The following KIF21A variants were observed in gnomAD, a reference collection of about 807,000 sequenced individuals.
KIF21A encodes the protein kinesin family member 21A.
KIF21A carries 114 observed loss-of-function variants against 202.9 expected under a neutral mutation model. The observed-to-expected ratio is 0.56, with a 90% CI of 0.48 to 0.66. The LOEUF (loss-of-function observed/expected upper bound fraction) is 0.66, where lower values mean the gene tolerates loss of function less well. Among genes scored for constraint, KIF21A ranks in the 30% least tolerant of loss-of-function variants. The pLI, the probability that KIF21A is intolerant of heterozygous loss-of-function variation, is 0.00. For missense variants in KIF21A, 1,677 were observed against 1,994.9 expected, an observed-to-expected ratio of 0.84 and a Z score of 3.04; for synonymous variants, 667 against 670.8, an observed-to-expected ratio of 0.99 and a Z score of 0.09.
At chr12:39,441,660 T>A (rs374798425) in intron 1 of KIF21A, among the ~76,000 whole-genome samples, 40 of 37,786 alleles carry the variant, frequency 1.1e-3, no homozygotes, top group Admixed American at 1.9e-3. Context: ...CCCTGGGTGG[T>A]AAAAAAAAAA....
intron 1 of KIF21A, among the ~76,000 whole-genome samples, chr12:39,435,449 A>C (rs1228327795): frequency 1.3e-5 from 2 of 152,220 alleles, no homozygotes; most frequent in African/African-American, 4.8e-5. Context: ...ACATCAGTCT[A>C]GAAAAGCTTT....
At chr12:39,315,786 T>A in intron 30 of KIF21A, 146 bp downstream of exon 30, 1 of 751,232 alleles carries the variant, frequency 1.3e-6, no homozygotes, top group East Asian at 2.5e-5. Flanking sequence ...GTATTAAAAT[T>A]ATCATGTTTA....
At chr12:39,347,058 A>G (rs1947957507) in intron 11 of KIF21A, among the ~76,000 whole-genome samples, 1 of 151,908 alleles carries the variant, frequency 6.6e-6, no homozygotes, top group Admixed American at 6.6e-5. Flanking sequence ...ATCTAAAAAA[A>G]ATCTGATTTC....
At chr12:39,437,876 CAG>C (rs1338277250) in intron 1 of KIF21A, among the ~76,000 whole-genome samples, 1 of 152,148 alleles carries the variant, frequency 6.6e-6, no homozygotes, top group Middle Eastern at 3.2e-3. Flanking sequence ...AAATGTTTCT[CAG>C]AGGTCTTACT....
chr12:39,378,301 G>C (rs1472331455), intron 1 of KIF21A, among the ~76,000 whole-genome samples: 2 of 152,158 alleles, frequency 1.3e-5, no homozygotes, highest in African/African-American at 4.8e-5. Context: ...CATTCACAAG[G>C]GGGTAACATT....
chr12:39,315,891 A>G, intron 30 of KIF21A, 41 bp downstream of exon 30: 1 of 1,500,064 alleles, frequency 6.7e-7, no homozygotes, highest in African/African-American at 1.4e-5. Context: ...TTAGAACATC[A>G]ATGAAATTCC....
intron 30 of KIF21A, 91 bp from the exon 31 acceptor site, chr12:39,315,331 C>A: frequency 1.8e-6 from 2 of 1,141,490 alleles, no homozygotes; most frequent in South Asian, 1.3e-5. Context: ...GGGAATGAGA[C>A]AGAGAGAAAG....
intron 1 of KIF21A, among the ~76,000 whole-genome samples, chr12:39,441,778 T>C (rs536059621): frequency 9.4e-4 from 142 of 151,728 alleles, no homozygotes; most frequent in African/African-American, 3.3e-3. Context: ...ACTAAAATAG[T>C]AACTATAGAA....
At chr12:39,357,857 C>T (rs531223068) in intron 8 of KIF21A, among the ~76,000 whole-genome samples, 1 of 123,872 alleles carries the variant, frequency 8.1e-6, no homozygotes, top group Non-Finnish European at 1.6e-5. Context: ...TGCAGTGAGC[C>T]GAGATCACGC....
intron 1 of KIF21A, among the ~76,000 whole-genome samples, chr12:39,384,241 T>C (rs758578896): frequency 6.6e-6 from 1 of 152,242 alleles, no homozygotes; most frequent in Non-Finnish European, 1.5e-5. Flanking sequence ...TAAATCTTAA[T>C]AATGATTATT....
intron 37 of KIF21A, among the ~76,000 whole-genome samples, chr12:39,295,692 GTTTTTTTTTTTTTTT>G (rs1054983568): frequency 1.0e-4 from 8 of 78,086 alleles, no homozygotes; most frequent in Admixed American, 5.1e-4. Context: ...CTTGGGATAT[GTTTTTTTTTTTTTTT>G]TTTTTTTTTT....
In KIF21A at chr12:39,332,887, G is replaced by T; in HGVS notation, c.2702+6C>A. The T allele has an allele frequency of 5.0e-6, 8 of 1,612,794 alleles. No homozygotes were observed. Among genetic ancestry groups the T allele is most frequent in the Non-Finnish European group, 5.9e-6 (7 of 1,179,360 alleles). On this transcript the variant is annotated splice_donor_region_variant and intron_variant, in intron 19 of 37. Transcript: ENST00000361418. ...ATTACATCAGCAGGAACAGAATTAT[G>T]TAGACCTGTTTCCATTTGTTGCCGG...
In KIF21A at chr12:39,307,697, C is replaced by A. The variant is rs200589960; in HGVS notation, c.4310G>T (p.Cys1437Phe). 7 of 1,614,052 alleles carry A rather than the reference C, an allele frequency of 4.3e-6. No individual in the cohort carries two copies. The highest frequency in any genetic ancestry group is 1.7e-4 in the Middle Eastern group (1 of 6,058). Residue 1437 changes from cysteine (C) to phenylalanine (F), a missense_variant, in exon 34 of 38, where the codon TGT becomes TTT. Cys to Phe is a radical substitution (Grantham distance 205). This residue lies in a region of KIF21A where 705 missense variants were observed against 791.9 expected (regional missense o/e 0.89). Coordinates refer to ENST00000361418, the MANE Select transcript of KIF21A (RefSeq NM_001173464.2). ...TACTGTTCGACTGGTACTTGCAGAA[C>A]AAGCATCTCCAAGAGTAACTTGACC... ...SSGQVTLGDA[C>F]SASTSRTVAI...
At chr12:39,396,807 A>T (rs1951791276) in intron 1 of KIF21A, among the ~76,000 whole-genome samples, 1 of 152,208 alleles carries the variant, frequency 6.6e-6, no homozygotes, top group Admixed American at 6.5e-5. Context: ...GGCACAATGC[A>T]AATATTTATC....
At position 39,346,491 on chromosome 12, in the gene KIF21A, C is replaced by A; in HGVS notation, c.1687G>T (p.Glu563Ter). Residue 563 changes from glutamate to a stop codon, truncating the protein, a stop_gained, in exon 12 of 38, where the codon GAG (glutamate) becomes TAG (stop). Transcript: ENST00000361418. LOFTEE classifies it high-confidence loss of function. ...CTTCTTTCTTCTCGATTGCTTTCCTCAAGTTTCTGTAGCCTTCAAAATCAC... is the reference window on the plus strand; with the variant it reads ...CTTCTTTCTTCTCGATTGCTTTCCTAAAGTTTCTGTAGCCTTCAAAATCAC... ...KRKKKRLQKL[E>*]ESNREERSVA... 6.8e-7 allele frequency: 1 copy of A among 1,479,088 alleles called. No homozygotes were observed. The highest frequency in any genetic ancestry group is 8.9e-7 in the Non-Finnish European group (1 of 1,117,946). The allele number at this position is 1,479,088 out of a possible 1,614,324, so 91.6% of individuals were successfully genotyped here. A position where few individuals can be genotyped will look rare whatever the true frequency, so the allele number is the denominator to read the frequency against.
chr12:39,356,704 C>T, intron 10 of KIF21A, 128 bp downstream of exon 10: 1 of 565,996 alleles, frequency 1.8e-6, no homozygotes, highest in Admixed American at 3.3e-5. Flanking sequence ...CTAAAGTTAA[C>T]CTAACCAAAG....
chr12:39,394,565 A>C (rs1302322979), intron 1 of KIF21A, among the ~76,000 whole-genome samples: 2 of 152,188 alleles, frequency 1.3e-5, no homozygotes, highest in East Asian at 3.8e-4. Context: ...CAAGACTTGA[A>C]AAGATCTTAA....
chr12:39,399,955 G>T (rs1330947750), intron 1 of KIF21A, among the ~76,000 whole-genome samples: 2 of 152,146 alleles, frequency 1.3e-5, no homozygotes, highest in Non-Finnish European at 2.9e-5. Context: ...AGGGAAAGAA[G>T]GGGGATAAAT....
intron 14 of KIF21A, 92 bp from the exon 15 acceptor site, chr12:39,341,186 G>T: frequency 9.7e-7 from 1 of 1,028,712 alleles, no homozygotes; most frequent in Admixed American, 2.2e-5. Context: ...CATCAACTAG[G>T]TATTTTTATT....
Sources: gnomAD v4.1 joint callset for allele counts (sites outside exome capture counted in the v4.1 genomes callset) on GRCh38, gnomAD v4.1.1 for gene constraint, gnomAD v4.1.1 regional missense constraint, MANE v1.5 for transcripts, NCBI Gene and HGNC (gene_info 2026-07-23, HGNC 2026-07-21) for gene names.